Variants in LDLRAD4 observed in about 807,000 individuals in gnomAD.
LDLRAD4 encodes low density lipoprotein receptor class A domain containing 4, also known as low-density lipoprotein receptor class A domain-containing protein 4.
LDLRAD4 carries 5 observed loss-of-function variants against 17.0 expected under a neutral mutation model. The ratio of observed to expected loss-of-function variants is 0.29; its 90% CI spans 0.15 to 0.62. The LOEUF is 0.62. Among genes scored for constraint, LDLRAD4 ranks in the 20% least tolerant of loss-of-function variants. The pLI, the probability that LDLRAD4 is intolerant of heterozygous loss-of-function variation, is 0.84. For synonymous variants in LDLRAD4, 168 were observed against 171.8 expected, an observed-to-expected ratio of 0.98 and a Z score of 0.17; for missense variants, 340 against 424.7, an observed-to-expected ratio of 0.80 and a Z score of 1.75.
At chr18:13,344,131 G>C (rs149384218) in intron 1 of LDLRAD4, among the ~76,000 whole-genome samples, 7 of 152,210 alleles carry the variant, frequency 4.6e-5, no homozygotes, top group African/African-American at 1.7e-4. Context: ...CATTGCTTTT[G>C]GTGTTTTAAA....
chr18:13,320,695 T>A (rs2081169670), intron 1 of LDLRAD4, among the ~76,000 whole-genome samples: 1 of 152,178 alleles, frequency 6.6e-6, no homozygotes, highest in African/African-American at 2.4e-5. Context: ...CAGCACAGGC[T>A]GTGGGAATCC....
In LDLRAD4 at chr18:13,570,686, G is replaced by A. The variant is rs527543644; in HGVS notation, c.182-50431G>A. On this transcript the variant is annotated intron_variant, in intron 3 of 5. Coordinates refer to ENST00000359446, the Ensembl canonical transcript of LDLRAD4. ...GATCCAGCAAGAGCCTCACTCTGGA[G>A]CCTCATAGTCTCCTGTGCCAGGGCG... Among the ~76,000 whole-genome samples the A allele has an allele frequency of 3.9e-5, 6 of 152,380 alleles. No individual in the cohort carries two copies. The East Asian group carries it at 1.2e-3, about 29-fold the overall frequency.
At chr18:13,345,286 C>A (rs1053836960) in intron 1 of LDLRAD4, among the ~76,000 whole-genome samples, 12 of 152,298 alleles carry the variant, frequency 7.9e-5, no homozygotes, top group South Asian at 4.1e-4. Context: ...GAGTTTTTAG[C>A]ATGAAGCATT....
At chr18:13,330,552 G>A (rs1380377440) in intron 1 of LDLRAD4, among the ~76,000 whole-genome samples, 2 of 152,060 alleles carry the variant, frequency 1.3e-5, no homozygotes, top group South Asian at 2.1e-4. Flanking sequence ...TATTGCTACC[G>A]TAAATAGGAT....
chr18:13,244,367 C>G (rs1025249947), intron 1 of LDLRAD4, among the ~76,000 whole-genome samples: 2 of 152,016 alleles, frequency 1.3e-5, no homozygotes, highest in South Asian at 4.2e-4. Flanking sequence ...ATTCATCCAC[C>G]CATCTGTCCT....
chr18:13,619,530 G>A (rs995363213), intron 3 of LDLRAD4, among the ~76,000 whole-genome samples: 2 of 146,188 alleles, frequency 1.4e-5, no homozygotes, highest in African/African-American at 5.1e-5. Flanking sequence ...GGGGGCGGGG[G>A]TGGCACATAT....
At position 13,317,904 on chromosome 18, in the gene LDLRAD4, CA is replaced by C. The variant is rs547791116; in HGVS notation, c.-383+39717del. On this transcript the variant is annotated intron_variant, in intron 1 of 5. Transcript: ENST00000359446. The stretch of plus-strand genomic sequence containing the variant: ...AGCCATTTAAGAAAAAATTTTTTAT[CA>C]TATGACACCAACTGTTTCTACTAGA... Among the ~76,000 whole-genome samples the C allele has an allele frequency of 1.7e-3, 255 of 152,252 alleles. 2 individuals are homozygous for C. Among genetic ancestry groups the C allele is most frequent in the African/African-American group, 5.9e-3 (246 of 41,562 alleles).
intron 1 of LDLRAD4, among the ~76,000 whole-genome samples, chr18:13,383,064 C>T (rs1184147188): frequency 9.2e-5 from 14 of 152,188 alleles, no homozygotes; most frequent in Admixed American, 7.9e-4. Flanking sequence ...GAAAACCAGC[C>T]CGGAGGGTCC....
Position 13,481,873 on chromosome 18 carries a change from G to A in LDLRAD4, c.181+43489G>A, listed in dbSNP as rs576807569. Among the ~76,000 whole-genome samples, 51 of 152,120 alleles carry A rather than the reference G, an allele frequency of 3.4e-4. 1 individual carries two copies. The highest frequency in any genetic ancestry group is 3.9e-4 in the East Asian group (2 of 5,174). On this transcript the variant is annotated intron_variant, in intron 3 of 5. Coordinates refer to ENST00000359446, the Ensembl canonical transcript of LDLRAD4. ...GATCTCCTGGAGGAAATGACAGAGC[G>A]TGAGAGGTGAGTGGAGTTTGCTGGG... is the stretch of plus-strand genomic sequence containing the variant.
intron 1 of LDLRAD4, among the ~76,000 whole-genome samples, chr18:13,371,091 C>T (rs190436266): frequency 1.3e-5 from 2 of 152,322 alleles, no homozygotes; most frequent in African/African-American, 4.8e-5. Context: ...TCCTGGCGGA[C>T]TCTGTTCTGA....
At chr18:13,468,377 T>C (rs2092681741) in intron 3 of LDLRAD4, among the ~76,000 whole-genome samples, 1 of 152,026 alleles carries the variant, frequency 6.6e-6, no homozygotes, top group African/African-American at 2.4e-5. Flanking sequence ...TGTGGAGAAA[T>C]AGGAACACTT....
intron 1 of LDLRAD4, among the ~76,000 whole-genome samples, chr18:13,247,323 A>G (rs1410541097): frequency 6.6e-6 from 1 of 151,262 alleles, no homozygotes; most frequent in Admixed American, 6.6e-5. Flanking sequence ...TTAACATCAT[A>G]TGTAATCATG....
intron 3 of LDLRAD4, among the ~76,000 whole-genome samples, chr18:13,590,332 G>T: frequency 7.5e-6 from 1 of 134,194 alleles, no homozygotes; most frequent in East Asian, 2.1e-4. Flanking sequence ...GTGTATGTGG[G>T]GGGTAAGTGT....
intron 4 of LDLRAD4, among the ~76,000 whole-genome samples, chr18:13,638,577 G>A (rs1356702716): frequency 6.6e-6 from 1 of 152,212 alleles, no homozygotes; most frequent in Non-Finnish European, 1.5e-5. Flanking sequence ...GTGCCCTCTC[G>A]TAAGCATCCT....
intron 3 of LDLRAD4, among the ~76,000 whole-genome samples, chr18:13,541,724 C>T (rs998063071): frequency 9.9e-5 from 15 of 152,136 alleles, no homozygotes; most frequent in African/African-American, 3.6e-4. Flanking sequence ...TTGGACCTTC[C>T]CTGGTGTGAG....
intron 1 of LDLRAD4, among the ~76,000 whole-genome samples, chr18:13,272,477 T>C (rs987895898): frequency 2.6e-5 from 4 of 152,156 alleles, no homozygotes; most frequent in Non-Finnish European, 4.4e-5. Context: ...TCATTTCTAT[T>C]TGGGGAGAAG....
chr18:13,326,937 G>A (rs1335527795), intron 1 of LDLRAD4, among the ~76,000 whole-genome samples: 1 of 152,152 alleles, frequency 6.6e-6, no homozygotes, highest in Admixed American at 6.5e-5. Flanking sequence ...AGTGCTTACT[G>A]AAGTGTAAAA....
intron 1 of LDLRAD4, among the ~76,000 whole-genome samples, chr18:13,233,743 C>T (rs959943584): frequency 9.9e-5 from 15 of 152,244 alleles, no homozygotes; most frequent in African/African-American, 3.6e-4. Context: ...ACTGTTGAGA[C>T]TGATTATGTA....
At chr18:13,347,743 C>G (rs1409400494) in intron 1 of LDLRAD4, among the ~76,000 whole-genome samples, 3 of 152,124 alleles carry the variant, frequency 2.0e-5, no homozygotes, top group Admixed American at 6.5e-5. Flanking sequence ...TCACATAGTC[C>G]CATATTTCTT....
Sources: allele counts gnomAD v4.1 joint callset (sites outside exome capture counted in the v4.1 genomes callset), GRCh38; gene constraint gnomAD v4.1.1; transcripts MANE v1.5; gene names NCBI Gene and HGNC (gene_info 2026-07-23, HGNC 2026-07-21).